FOLH1: variants seen among roughly 807,000 people sequenced by gnomAD.
FOLH1 encodes folate hydrolase 1, also known as glutamate carboxypeptidase 2.
A neutral mutation model predicts 93.9 loss-of-function variants in FOLH1; 54 were observed. The ratio of observed to expected loss-of-function variants is 0.57; its 90% CI spans 0.46 to 0.72. The LOEUF is 0.72. Ranked by LOEUF, FOLH1 falls within the 30% of genes least tolerant of loss-of-function variation. The probability of loss-of-function intolerance (pLI) is 0.00; values close to 1 mark genes in which losing one functional copy is unlikely to be tolerated. For synonymous variants in FOLH1, 249 were observed against 303.6 expected (o/e 0.82, Z 1.87); for missense variants, 571 against 892.5 (o/e 0.64, Z 4.59).
rs1452762515 is a variant in FOLH1, at chr11:49,206,923, G to C, written c.119-751C>G. Reference sequence around the variant, plus strand: ...CAGGGTTTATTTAGAGAAATTACAGGATCTGGGAATAAAGTAGTTACAAAA... The same window carrying C: ...CAGGGTTTATTTAGAGAAATTACAGCATCTGGGAATAAAGTAGTTACAAAA... On this transcript the variant is annotated intron_variant, in intron 1 of 18. Transcript: ENST00000256999. 5.5e-6 allele frequency: 4 copies of C among 732,312 alleles called. No homozygotes were observed. The Admixed American group carries it at 7.4e-5, about 13-fold the overall frequency. 45.4% of individuals were successfully genotyped at this position (732,312 alleles called of 1,614,324 possible).
chr11:49,148,222 A>C (rs1856003260), intron 18 of FOLH1, among the ~76,000 whole-genome samples: 1 of 150,762 alleles, frequency 6.6e-6, no homozygotes, highest in Non-Finnish European at 1.5e-5. Context: ...ATATATATTT[A>C]TTATATACAT....
At position 49,185,848 on chromosome 11, in the gene FOLH1, T is replaced by C; in HGVS notation, c.647A>G (p.Asn216Ser). The C allele has an allele frequency of 1.3e-6, 2 of 1,539,606 alleles. No individual in the cohort carries two copies. The highest frequency in any genetic ancestry group is 1.7e-6 in the Non-Finnish European group (2 of 1,149,332). Reference sequence around the variant, plus strand: ...TCCTTTGGCCCCTGCCAGCTGGGCATTTTTAACCTAGAAAACACAGTGTCT... The same window carrying C: ...TCCTTTGGCCCCTGCCAGCTGGGCACTTTTAACCTAGAAAACACAGTGTCT... ...GKVFRGNKVKNAQLAGAKGVI... is the reference protein window; with the variant it reads ...GKVFRGNKVKSAQLAGAKGVI... Residue 216 changes from asparagine to serine, a missense_variant, in exon 6 of 19, where the codon AAT (asparagine) becomes AGT (serine). Physicochemically the swap from Asn to Ser is conservative, Grantham distance 46 (BLOSUM62 1). Coordinates refer to ENST00000256999, the MANE Select transcript of FOLH1 (RefSeq NM_004476.3).
chr11:49,163,633 T>C (rs1200729368), intron 13 of FOLH1, among the ~76,000 whole-genome samples: 1 of 151,810 alleles, frequency 6.6e-6, no homozygotes, highest in Admixed American at 6.6e-5. Flanking sequence ...CCATCACTGC[T>C]CAGGCCCTTG....
intron 3 of FOLH1, among the ~76,000 whole-genome samples, chr11:49,194,132 C>CAAAAAAAAAAAAAAAAAA: frequency 1.4e-5 from 1 of 71,578 alleles, no homozygotes; most frequent in Non-Finnish European, 2.6e-5. Context: ...GCCTGGGTGA[C>CAAAAAAAAAAAAAAAAAA]AAAAAAAAAA....
intron 10 of FOLH1, 121 bp from the exon 11 acceptor site, chr11:49,171,398 G>C: frequency 6.1e-6 from 8 of 1,302,210 alleles, no homozygotes; most frequent in Non-Finnish European, 8.2e-6. Flanking sequence ...AGGGCAAATT[G>C]TAGTAAAAAA....
chr11:49,201,961 A>T (rs1863306355), intron 2 of FOLH1, among the ~76,000 whole-genome samples: 1 of 152,248 alleles, frequency 6.6e-6, no homozygotes, highest in Admixed American at 6.5e-5. Context: ...TTTTGCTATT[A>T]TCAGGGTTGG....
At chr11:49,181,884 C>T (rs1408607232) in intron 7 of FOLH1, among the ~76,000 whole-genome samples, 1 of 152,102 alleles carries the variant, frequency 6.6e-6, no homozygotes, top group Non-Finnish European at 1.5e-5. Flanking sequence ...AAATGAGTGC[C>T]TTGCCCTTGG....
rs147903288 is a variant in FOLH1 at position 49,186,224 on chromosome 11, A to T, written c.640-369T>A. 4.8e-3 allele frequency: 947 copies of T among 198,854 alleles called. 12 individuals carry two copies. Among genetic ancestry groups the T allele is most frequent in the African/African-American group, 0.021 (896 of 43,362 alleles). The allele number at this position is 198,854 out of a possible 1,614,324, so 12.3% of individuals were successfully genotyped here. On this transcript the variant is annotated intron_variant, in intron 5 of 18. Transcript: ENST00000256999. ...CCACTAAAGAGAAAAATATATTAAC[A>T]AATCAAATGACAGTAATTTTTAAAT...
chr11:49,186,876 C>G, intron 4 of FOLH1, 107 bp from the exon 5 acceptor site: 1 of 1,197,796 alleles, frequency 8.3e-7, no homozygotes, highest in Non-Finnish European at 1.1e-6. Flanking sequence ...TCAGAGCACA[C>G]AGGAAGGTCA....
chr11:49,208,087 C>G, intron 1 of FOLH1: 1 of 627,144 alleles, frequency 1.6e-6, no homozygotes, highest in South Asian at 1.9e-5. Context: ...GTCCTACCAG[C>G]AGCTTGTCGA....
intron 7 of FOLH1, among the ~76,000 whole-genome samples, chr11:49,178,679 TAAA>T (rs989199941): frequency 3.3e-5 from 5 of 152,084 alleles, no homozygotes; most frequent in African/African-American, 1.2e-4. Context: ...ACTTTATAAA[TAAA>T]AAATAAATTC....
chr11:49,162,936 C>A (rs923600943), intron 13 of FOLH1: 2 of 152,058 alleles, frequency 1.3e-5, no homozygotes, highest in African/African-American at 2.4e-5. Context: ...AAGAATGCAG[C>A]CTGCTTCTTA....
rs1864224673 is a variant in FOLH1, at chr11:49,208,439, A to G, written c.-30T>C. 6.6e-7 allele frequency: 1 copy of G among 1,518,142 alleles called. No individual in the cohort carries two copies. Among genetic ancestry groups the G allele is most frequent in the South Asian group, 1.2e-5 (1 of 83,808 alleles). 94.0% of individuals were successfully genotyped at this position (1,518,142 alleles called of 1,614,324 possible). A position where few individuals can be genotyped will look rare whatever the true frequency, so the allele number is the denominator to read the frequency against. Reference sequence around the variant, plus strand: ...GCGCGAGCAGAGCCGGCCTCCCGGGACCCGCGCCTGTGCTGCTGCTCTACT... The same window carrying G: ...GCGCGAGCAGAGCCGGCCTCCCGGGGCCCGCGCCTGTGCTGCTGCTCTACT... On this transcript the variant is annotated 5_prime_UTR_variant, in exon 1 of 19. Transcript: ENST00000256999.
At chr11:49,147,784 G>T (rs2134823832) in intron 18 of FOLH1, among the ~76,000 whole-genome samples, 1 of 152,162 alleles carries the variant, frequency 6.6e-6, no homozygotes, top group African/African-American at 2.4e-5. Flanking sequence ...AATATTAGCT[G>T]GGCATGGTGG....
chr11:49,183,299 T>G, intron 6 of FOLH1, 57 bp from the exon 7 acceptor site: 1 of 1,309,004 alleles, frequency 7.6e-7, no homozygotes, highest in South Asian at 1.3e-5. Flanking sequence ...CAAACGGTTC[T>G]CTATAAATCA....
chr11:49,150,719 A>G (rs1345325875), intron 17 of FOLH1, among the ~76,000 whole-genome samples: 1 of 152,178 alleles, frequency 6.6e-6, no homozygotes, highest in African/African-American at 2.4e-5. Flanking sequence ...TGGGGTTGTT[A>G]TTATAATAAG....
chr11:49,192,324 G>A (rs182038057), intron 4 of FOLH1, among the ~76,000 whole-genome samples: 18 of 152,178 alleles, frequency 1.2e-4, no homozygotes, highest in Non-Finnish European at 2.5e-4. Flanking sequence ...ATTTGACAAC[G>A]TCAAAATTAA....
Position 49,174,917 on chromosome 11 carries a change from A to C in FOLH1, c.1080T>G (p.Gly360=). Residue 360 remains glycine, a synonymous_variant, in exon 9 of 19, where the codon GGT becomes GGG. Coordinates refer to ENST00000256999, the MANE Select transcript of FOLH1 (RefSeq NM_004476.3). ...CTGGTTCCACTGCTCCTCTGAGAGT[A>C]CCTATCACATTGTAAATTCTTGTCA... ...NEVTRIYNVI[G]TLRGAVEPDR... is the part of the protein sequence containing the mutation. 6.2e-7 allele frequency: 1 copy of C among 1,610,668 alleles called. No individual in the cohort carries two copies. Among genetic ancestry groups the C allele is most frequent in the Non-Finnish European group, 8.5e-7 (1 of 1,177,754 alleles).
At chr11:49,197,265 T>G (rs145825699) in intron 3 of FOLH1, among the ~76,000 whole-genome samples, 422 of 152,310 alleles carry the variant, frequency 2.8e-3, no homozygotes, top group Non-Finnish European at 4.7e-3. Flanking sequence ...CCACACTGAA[T>G]TTTACAGCAA....
Sources: gnomAD v4.1 joint callset for allele counts (sites outside exome capture counted in the v4.1 genomes callset) on GRCh38, gnomAD v4.1.1 for gene constraint, MANE v1.5 for transcripts, NCBI Gene and HGNC (gene_info 2026-07-23, HGNC 2026-07-21) for gene names.